The following USP7 variants were observed in gnomAD, a reference collection of about 807,000 sequenced individuals.
The protein encoded by USP7 is ubiquitin C-terminal hydrolase 7.
USP7 carries 9 observed loss-of-function variants against 162.9 expected under a neutral mutation model. The ratio of observed to expected loss-of-function variants is 0.06; its 90% CI spans 0.03 to 0.10. The LOEUF (loss-of-function observed/expected upper bound fraction) is 0.10, where lower values mean the gene tolerates loss of function less well. Ranked by LOEUF, USP7 falls within the 10% of genes least tolerant of loss-of-function variation. USP7 has a pLI of 1.00. For synonymous variants in USP7, 562 were observed against 475.9 expected (o/e 1.18, Z -2.35); for missense variants, 715 against 1,373.7 (o/e 0.52, Z 7.58).
intron 16 of USP7, 131 bp from the exon 17 acceptor site, chr16:8,902,613 G>A (rs1229169617): frequency 3.8e-6 from 3 of 795,226 alleles, no homozygotes; most frequent in East Asian, 6.0e-5. Flanking sequence ...TCGTAGGCCA[G>A]GTGCTGTGGC....
intron 1 of USP7, among the ~76,000 whole-genome samples, chr16:8,957,209 T>C (rs1899844538): frequency 6.6e-6 from 1 of 152,254 alleles, no homozygotes; most frequent in Admixed American, 6.5e-5. Flanking sequence ...GTTAACTTAC[T>C]AGAAAAATGG....
At chr16:8,898,928 T>C (rs1206577150) in intron 23 of USP7, among the ~76,000 whole-genome samples, 193 bp downstream of exon 23, 1 of 152,256 alleles carries the variant, frequency 6.6e-6, no homozygotes, top group Non-Finnish European at 1.5e-5. Context: ...TGGCTTTGGA[T>C]GAGGCTGTCA....
intron 1 of USP7, among the ~76,000 whole-genome samples, chr16:8,948,755 A>G (rs1899409840): frequency 6.6e-6 from 1 of 152,088 alleles, no homozygotes; most frequent in African/African-American, 2.4e-5. Context: ...CGATAAAAGC[A>G]GCCAAAAACA....
intron 1 of USP7, among the ~76,000 whole-genome samples, chr16:8,950,318 A>G (rs904892034): frequency 1.3e-5 from 2 of 152,170 alleles, no homozygotes; most frequent in Non-Finnish European, 2.9e-5. Context: ...AAAAAAAAAG[A>G]TGGGACCCAG....
chr16:8,930,756 G>C (rs1898279917), intron 1 of USP7, among the ~76,000 whole-genome samples: 1 of 152,158 alleles, frequency 6.6e-6, no homozygotes, highest in African/African-American at 2.4e-5. Context: ...ATCACCTGAG[G>C]CCAGGAGTTC....
intron 16 of USP7, 31 bp downstream of exon 16, chr16:8,903,237 G>A (rs749400495): frequency 5.5e-5 from 88 of 1,593,272 alleles, no homozygotes; most frequent in Non-Finnish European, 5.5e-5. Flanking sequence ...TGGGAGCCAC[G>A]GTGGGGTATA....
At chr16:8,897,726 A>AAAAAAAAAATATATAT (rs1555461671) in intron 25 of USP7, among the ~76,000 whole-genome samples, 1 of 7,138 alleles carries the variant, frequency 1.4e-4, no homozygotes, top group African/African-American at 5.6e-4. Context: ...AAAAAAAAAA[A>AAAAAAAAAATATATAT]ATATATATAT....
Position 8,898,220 on chromosome 16 carries a change from C to T in USP7, c.2718+140G>A, listed in dbSNP as rs990466359. On this transcript the variant is annotated intron_variant, in intron 25 of 30. Transcript: ENST00000344836. Reference sequence around the variant, plus strand: ...TGCCAGGAGGCAGGAAAGACTGGCCCAGGGCTCCCCCAGCCCCCATCATGT... The same window carrying T: ...TGCCAGGAGGCAGGAAAGACTGGCCTAGGGCTCCCCCAGCCCCCATCATGT... 5 of 736,692 alleles carry T rather than the reference C, an allele frequency of 6.8e-6. No individual in the cohort carries two copies. The African/African-American group carries it at 8.9e-5, about 13-fold the overall frequency. The allele number at this position is 736,692 out of a possible 1,614,324, so 45.6% of individuals were successfully genotyped here.
intron 2 of USP7, among the ~76,000 whole-genome samples, chr16:8,925,366 G>T (rs1315794441): frequency 6.6e-6 from 1 of 152,182 alleles, no homozygotes; most frequent in Non-Finnish European, 1.5e-5. Flanking sequence ...CTGCACAGAA[G>T]CAACCAAATG....
At chr16:8,951,532 G>T (rs978212296) in intron 1 of USP7, among the ~76,000 whole-genome samples, 23 of 152,248 alleles carry the variant, frequency 1.5e-4, no homozygotes, top group Non-Finnish European at 2.4e-4. Context: ...AGAGCCCCTG[G>T]ATATCCTATT....
chr16:8,917,597 T>A (rs555147523), intron 6 of USP7, among the ~76,000 whole-genome samples: 1 of 152,192 alleles, frequency 6.6e-6, no homozygotes, highest in Non-Finnish European at 1.5e-5. Context: ...CAGACTGGAC[T>A]GAAACTCCTG....
intron 1 of USP7, among the ~76,000 whole-genome samples, chr16:8,952,565 C>G (rs924779893): frequency 1.3e-5 from 2 of 152,198 alleles, no homozygotes; most frequent in Non-Finnish European, 2.9e-5. Context: ...TCTCAGGTCC[C>G]CTCACTCTGG....
chr16:8,936,053 G>T (rs1289214801), intron 1 of USP7, among the ~76,000 whole-genome samples: 1 of 152,116 alleles, frequency 6.6e-6, no homozygotes, highest in East Asian at 1.9e-4. Context: ...AAGCTGGCAG[G>T]GGGCGGGGGT....
chr16:8,952,370 G>GGTAAGTTGACACACCTTGTT (rs1435487743), intron 1 of USP7, among the ~76,000 whole-genome samples: 1 of 152,244 alleles, frequency 6.6e-6, no homozygotes, highest in Non-Finnish European at 1.5e-5. Context: ...GGGTGACCCA[G>GGTAAGTTGACACACCTTGTT]GTAAGTTGAC....
At chr16:8,919,731 C>T (rs1410459145) in intron 5 of USP7, among the ~76,000 whole-genome samples, 1 of 148,620 alleles carries the variant, frequency 6.7e-6, no homozygotes, top group African/African-American at 2.5e-5. Flanking sequence ...TGCCAGAAAG[C>T]AAAGCAATCC....
intron 26 of USP7, among the ~76,000 whole-genome samples, chr16:8,896,781 G>C (rs1030457108): frequency 6.6e-6 from 1 of 152,182 alleles, no homozygotes; most frequent in East Asian, 1.9e-4. Context: ...GCACCACAGC[G>C]GCTTGAGGGT....
At chr16:8,899,566 A>G (rs2061742311) in intron 22 of USP7, 38 bp downstream of exon 22, 1 of 1,602,676 alleles carries the variant, frequency 6.2e-7, no homozygotes, top group Middle Eastern at 1.7e-4. Context: ...GTCTTTCTGG[A>G]GTGGGATCTG....
intron 18 of USP7, 76 bp from the exon 19 acceptor site, chr16:8,901,310 A>C: frequency 3.0e-5 from 28 of 932,682 alleles, no homozygotes; most frequent in Non-Finnish European, 3.9e-5. Context: ...AAACAAACAA[A>C]CAAAAAAACG....
intron 3 of USP7, among the ~76,000 whole-genome samples, chr16:8,922,282 A>G (rs1282585332): frequency 2.0e-5 from 3 of 152,222 alleles, no homozygotes; most frequent in African/African-American, 7.2e-5. Context: ...TGAGGTCAGG[A>G]GTTCGAGACC....
Sources: gnomAD v4.1 joint callset for allele counts (sites outside exome capture counted in the v4.1 genomes callset) on GRCh38, gnomAD v4.1.1 for gene constraint, MANE v1.5 for transcripts, NCBI Gene and HGNC (gene_info 2026-07-23, HGNC 2026-07-21) for gene names.